ANKIB1: variants seen among roughly 807,000 people sequenced by gnomAD.
ANKIB1 encodes the protein ankyrin repeat and IBR domain containing 1, also known as ankyrin repeat and IBR domain-containing protein 1.
A neutral mutation model predicts 122.1 loss-of-function variants in ANKIB1; 43 were observed. That is an observed-to-expected ratio of 0.35 (90% CI 0.28 to 0.45). The LOEUF (loss-of-function observed/expected upper bound fraction) is 0.45. ANKIB1 is among the 20% of genes least tolerant of loss of function. ANKIB1 has a pLI of 1.00. For missense variants in ANKIB1, 992 were observed against 1,329.5 expected (o/e 0.75, Z 3.95); for synonymous variants, 390 against 442.0 (o/e 0.88, Z 1.48).
chr7:92,329,545 A>G lies in ANKIB1; in HGVS notation c.787+1645A>G, dbSNP rs367802210. 3.2e-4 allele frequency among the ~76,000 whole-genome samples: 48 copies of G among 152,286 alleles called. 1 individual carries two copies. Among genetic ancestry groups the G allele is most frequent in the African/African-American group, 9.9e-4 (41 of 41,554 alleles). On this transcript the variant is annotated intron_variant, in intron 5 of 19. Coordinates refer to ENST00000265742, the MANE Select transcript of ANKIB1 (RefSeq NM_019004.2). ...TTCAAAAACCACCTAAACAATAAAG[A>G]TTATGTCTACATTCTGACTTTAATC...
At position 92,322,664 on chromosome 7, in the gene ANKIB1, TAAC is replaced by T. The variant is rs746335986; in HGVS notation, c.669+3155_669+3157del. Among the ~76,000 whole-genome samples the T allele has an allele frequency of 2.6e-5, 4 of 152,272 alleles. 1 individual carries two copies. Reference sequence around the variant, plus strand: ...TATTGTATTCTATATTTTTTCAACTTAACAATATATCATGAACATCTCTCCTAA... The same window carrying T: ...TATTGTATTCTATATTTTTTCAACTTAATATATCATGAACATCTCTCCTAA... On this transcript the variant is annotated intron_variant, in intron 4 of 19. Transcript: ENST00000265742.
At chr7:92,362,004 T>G (rs923399927) in intron 9 of ANKIB1, among the ~76,000 whole-genome samples, 181 bp from the exon 10 acceptor site, 1 of 152,106 alleles carries the variant, frequency 6.6e-6, no homozygotes, top group Middle Eastern at 3.2e-3. Flanking sequence ...AGAGACGGGG[T>G]TTCACCATAT....
intron 7 of ANKIB1, chr7:92,347,877 A>T (rs1358728200): frequency 3.4e-6 from 1 of 293,724 alleles, no homozygotes; most frequent in Non-Finnish European, 6.6e-6. Flanking sequence ...TAACGTATGT[A>T]AAGTGCTTAA....
At chr7:92,281,760 C>T (rs1244787510) in intron 1 of ANKIB1, among the ~76,000 whole-genome samples, 5 of 152,082 alleles carry the variant, frequency 3.3e-5, no homozygotes, top group Non-Finnish European at 7.4e-5. Flanking sequence ...GGTGGTGGAG[C>T]GAGTTCTTTT....
chr7:92,281,114 C>G (rs1379511704), intron 1 of ANKIB1, among the ~76,000 whole-genome samples: 3 of 152,222 alleles, frequency 2.0e-5, no homozygotes, highest in Non-Finnish European at 2.9e-5. Flanking sequence ...CAAGAGTCTT[C>G]TTCCCATGGA....
At chr7:92,331,971 A>G (rs1255410905) in intron 5 of ANKIB1, among the ~76,000 whole-genome samples, 3 of 152,158 alleles carry the variant, frequency 2.0e-5, no homozygotes, top group Non-Finnish European at 2.9e-5. Context: ...CCTATTTTTT[A>G]CACATCGTAT....
intron 3 of ANKIB1, among the ~76,000 whole-genome samples, chr7:92,315,721 A>G (rs1802781159): frequency 6.6e-6 from 1 of 152,194 alleles, no homozygotes; most frequent in South Asian, 2.1e-4. Flanking sequence ...TTTGAGAGTT[A>G]GGAGGTATTA....
At chr7:92,251,725 T>A (rs1021264436) in intron 1 of ANKIB1, among the ~76,000 whole-genome samples, 1 of 152,176 alleles carries the variant, frequency 6.6e-6, no homozygotes, top group Non-Finnish European at 1.5e-5. Context: ...TCCTAAACAC[T>A]ACAGCGTCTG....
chr7:92,271,933 C>T (rs1397254102), intron 1 of ANKIB1, among the ~76,000 whole-genome samples: 1 of 152,082 alleles, frequency 6.6e-6, no homozygotes, highest in Non-Finnish European at 1.5e-5. Flanking sequence ...AATGAAGGAG[C>T]TGGATTTCCA....
At chr7:92,380,731 C>T (rs1348458835) in intron 11 of ANKIB1, among the ~76,000 whole-genome samples, 1 of 152,196 alleles carries the variant, frequency 6.6e-6, no homozygotes, top group African/African-American at 2.4e-5. Flanking sequence ...AGGACATCCA[C>T]ACCAAAACCC....
chr7:92,339,927 G>A (rs566750763), intron 5 of ANKIB1, among the ~76,000 whole-genome samples: 3 of 136,006 alleles, frequency 2.2e-5, no homozygotes, highest in East Asian at 4.3e-4. Context: ...TGGTTGTAGG[G>A]TTTTTTTTTT....
At chr7:92,277,282 A>T (rs1801924676) in intron 1 of ANKIB1, among the ~76,000 whole-genome samples, 1 of 152,224 alleles carries the variant, frequency 6.6e-6, no homozygotes, top group Non-Finnish European at 1.5e-5. Flanking sequence ...CAAAGAATTC[A>T]CAATTGTTAG....
At chr7:92,360,985 C>T (rs1473250615) in intron 9 of ANKIB1, among the ~76,000 whole-genome samples, 2 of 152,176 alleles carry the variant, frequency 1.3e-5, no homozygotes, top group African/African-American at 4.8e-5. Flanking sequence ...CTACCTCAGC[C>T]TCCCAAGTAG....
At chr7:92,273,313 G>A (rs1365289191) in intron 1 of ANKIB1, among the ~76,000 whole-genome samples, 2 of 151,526 alleles carry the variant, frequency 1.3e-5, no homozygotes, top group African/African-American at 4.9e-5. Flanking sequence ...TCAAGGACTG[G>A]TTAATTCAGT....
At chr7:92,319,250 T>C (rs1466117814) in intron 3 of ANKIB1, 80 bp from the exon 4 acceptor site, 1 of 869,564 alleles carries the variant, frequency 1.2e-6, no homozygotes, top group African/African-American at 1.7e-5. Flanking sequence ...AATTTTATTA[T>C]ATTTTTAATG....
intron 1 of ANKIB1, among the ~76,000 whole-genome samples, chr7:92,265,171 G>A (rs1450203173): frequency 2.6e-5 from 4 of 151,988 alleles, no homozygotes; most frequent in African/African-American, 9.7e-5. Context: ...TAGAGATGGA[G>A]TCTTGCTGTG....
chr7:92,267,917 G>A (rs941726143), intron 1 of ANKIB1, among the ~76,000 whole-genome samples: 2 of 152,162 alleles, frequency 1.3e-5, no homozygotes, highest in African/African-American at 4.8e-5. Flanking sequence ...GAAAGGAAGG[G>A]AAGGTTTTTG....
At chr7:92,369,038 T>C (rs1229652865) in intron 10 of ANKIB1, among the ~76,000 whole-genome samples, 1 of 152,206 alleles carries the variant, frequency 6.6e-6, no homozygotes, top group Non-Finnish European at 1.5e-5. Context: ...ATAATGTTGA[T>C]GCTGAAAGAA....
chr7:92,314,114 A>G (rs954724036), intron 3 of ANKIB1, among the ~76,000 whole-genome samples: 1 of 152,056 alleles, frequency 6.6e-6, no homozygotes, highest in Non-Finnish European at 1.5e-5. Flanking sequence ...CCTGGGCAAC[A>G]TAGTGAGAGC....
Sources: gnomAD v4.1 joint callset for allele counts (sites outside exome capture counted in the v4.1 genomes callset) on GRCh38, gnomAD v4.1.1 for gene constraint, MANE v1.5 for transcripts, NCBI Gene and HGNC (gene_info 2026-07-23, HGNC 2026-07-21) for gene names.